FANCG: variants seen among roughly 807,000 people sequenced by gnomAD.
The protein encoded by FANCG is Fanconi anemia group G protein.
A neutral mutation model predicts 73.3 loss-of-function variants in FANCG; 67 were observed. The ratio of observed to expected loss-of-function variants is 0.91; its 90% CI spans 0.75 to 1.12. The LOEUF (loss-of-function observed/expected upper bound fraction) is 1.12. FANCG is among the 50% of genes most tolerant of loss of function. The pLI is 0.00. For synonymous variants in FANCG, 297 were observed against 311.6 expected (o/e 0.95, Z 0.49); for missense variants, 643 against 735.6 (o/e 0.87, Z 1.46).
At position 35,078,731 on chromosome 9, in the gene FANCG, G is replaced by A. The variant is rs931163229; in HGVS notation, c.181C>T (p.Pro61Ser). 10 of 1,613,980 alleles carry A rather than the reference G, an allele frequency of 6.2e-6. No individual in the cohort carries two copies. The highest frequency in any genetic ancestry group is 5.3e-5 in the African/African-American group (4 of 74,902). ...RGLLHSLQGL[P>S]AAVPVLPLEL... is the part of the protein sequence containing the mutation. ...AAGGGAAGAACAGGAACAGCTGCAG[G>A]GAGCCCTGGAGCAACAATGTTGGTC... Residue 61 changes from proline (P) to serine (S), a missense_variant, in exon 3 of 14, where the codon CCT becomes TCT. Transcript: ENST00000378643.
rs756902343 is a variant in FANCG at position 35,075,236 on chromosome 9, A to C, written c.1480+43T>G. ...TTAAAGGGAACCCACTTCCACCACT[A>C]CCACTTCCAGGAGGTAAGAGGAAAA... is the stretch of plus-strand genomic sequence containing the variant. On this transcript the variant is annotated intron_variant, in intron 11 of 13. Coordinates refer to ENST00000378643, the MANE Select transcript of FANCG (RefSeq NM_004629.2). The C allele has an allele frequency of 6.8e-6, 11 of 1,610,662 alleles. No homozygotes were observed. The East Asian group carries it at 2.2e-4, about 33-fold the overall frequency.
Position 35,078,072 on chromosome 9 carries a change from C to A in FANCG, c.510+69G>T, listed in dbSNP as rs917853484. 26 of 1,456,218 alleles carry A rather than the reference C, an allele frequency of 1.8e-5. No individual in the cohort carries two copies. The African/African-American group carries it at 3.1e-4, about 17-fold the overall frequency. 90.2% of individuals were successfully genotyped at this position (1,456,218 alleles called of 1,614,324 possible). ...GCCTGTCCAGTACATGATGATGCTA[C>A]TGCAGCTGGAGAGAAAGGAGGAGGA... is the stretch of plus-strand genomic sequence containing the variant. On this transcript the variant is annotated intron_variant, in intron 4 of 13. Transcript: ENST00000378643.
intron 4 of FANCG, 120 bp downstream of exon 4, chr9:35,078,021 C>T: frequency 1.1e-6 from 1 of 951,256 alleles, no homozygotes; most frequent in Non-Finnish European, 1.7e-6. Context: ...AGAGAGAATC[C>T]AGGTTTTCCG....
intron 9 of FANCG, 97 bp from the exon 10 acceptor site, chr9:35,075,851 A>C (rs1387834633): frequency 6.5e-7 from 1 of 1,532,846 alleles, no homozygotes; most frequent in African/African-American, 1.4e-5. Context: ...CTGGGCCCCC[A>C]GACTGGACAG....
intron 4 of FANCG, among the ~76,000 whole-genome samples, chr9:35,077,829 G>C (rs1284105754): frequency 6.6e-6 from 1 of 151,778 alleles, no homozygotes. Context: ...GCAGTGGCGT[G>C]ATCATAGCTC....
chr9:35,076,293 T>A (rs1252598411), intron 8 of FANCG, 139 bp downstream of exon 8: 1 of 1,000,854 alleles, frequency 1.0e-6, no homozygotes, highest in Non-Finnish European at 1.6e-6. Context: ...AGAAGCAAGG[T>A]AAGAGGCTGA....
At position 35,077,332 on chromosome 9, in the gene FANCG, G is replaced by A. The variant is rs766784578; in HGVS notation, c.578C>T (p.Ala193Val). The part of the protein sequence containing the change: ...TWSPPAEELD[A>V]PLTLQDAQGL... ...CTGGGCATCCTGCAGGGTCAATGGA[G>A]CATCTAATTCCTCAGCTGGGGGACT... The change falls in exon 5 of 14, where the codon GCT becomes GTT. Residue 193 changes from alanine to valine, a missense_variant. Coordinates refer to ENST00000378643, the MANE Select transcript of FANCG (RefSeq NM_004629.2). The A allele has an allele frequency of 6.2e-7, 1 of 1,614,136 alleles. No individual in the cohort carries two copies. Among genetic ancestry groups the A allele is most frequent in the South Asian group, 1.1e-5 (1 of 91,084 alleles).
chr9:35,076,641 C>T (rs1829089626), intron 7 of FANCG, 58 bp from the exon 8 acceptor site: 1 of 1,614,002 alleles, frequency 6.2e-7, no homozygotes, highest in Non-Finnish European at 8.5e-7. Flanking sequence ...CTTCCTTATA[C>T]TTGGATCTTG....
chr9:35,074,555 A>G, intron 12 of FANCG, 61 bp from the exon 13 acceptor site: 1 of 1,609,930 alleles, frequency 6.2e-7, no homozygotes, highest in Non-Finnish European at 8.5e-7. Flanking sequence ...GCATTGTTTT[A>G]TAAAAAGGGA....
intron 4 of FANCG, among the ~76,000 whole-genome samples, chr9:35,077,658 C>T (rs1025159357): frequency 6.6e-6 from 1 of 152,048 alleles, no homozygotes; most frequent in African/African-American, 2.4e-5. Flanking sequence ...CAGCGTGCCT[C>T]CTCACTCAGG....
rs759590778 is a variant in FANCG, at chr9:35,079,243, T to A, written c.85-2A>T. On this transcript the variant is annotated splice_acceptor_variant, in intron 1 of 13. Transcript: ENST00000378643. LOFTEE classifies it high-confidence loss of function. Reference sequence around the variant, plus strand: ...AGTCAGACCGGAGTTCTGAGCCACCTGCCACATGAGGGAGGGGTTGTCACT... The same window carrying A: ...AGTCAGACCGGAGTTCTGAGCCACCAGCCACATGAGGGAGGGGTTGTCACT... 5 of 1,606,664 alleles carry A rather than the reference T, an allele frequency of 3.1e-6. No homozygotes were observed. The highest frequency in any genetic ancestry group is 4.2e-6 in the Non-Finnish European group (5 of 1,176,848).
intron 12 of FANCG, 164 bp from the exon 13 acceptor site, chr9:35,074,658 C>T (rs764950409): frequency 1.0e-6 from 1 of 983,204 alleles, no homozygotes; most frequent in Non-Finnish European, 1.6e-6. Context: ...CAGTGTCCAT[C>T]ATCTGCCCCC....
rs1465444589 is a variant in FANCG at position 35,075,588 on chromosome 9, T to C, written c.1310A>G (p.Asp437Gly). The change falls in exon 10 of 14, where the codon GAT becomes GGT. Residue 437 changes from aspartate (D) to glycine (G), a missense_variant. By Grantham distance (94) the Asp-to-Gly change is moderately conservative. Transcript: ENST00000378643. ...LLPKMSRLWEDARKGTKELPY... is the reference protein window; with the variant it reads ...LLPKMSRLWEGARKGTKELPY... Reference sequence around the variant, plus strand: ...CAGTTCCTTGGTTCCTTTTCTGGCATCTTCCCACAGCCGGGACATCTTGGG... The same window carrying C: ...CAGTTCCTTGGTTCCTTTTCTGGCACCTTCCCACAGCCGGGACATCTTGGG... 2.5e-6 allele frequency: 4 copies of C among 1,614,086 alleles called. No individual in the cohort carries two copies. The highest frequency in any genetic ancestry group is 2.5e-6 in the Non-Finnish European group (3 of 1,180,022).
intron 3 of FANCG, 30 bp downstream of exon 3, chr9:35,078,575 G>A: frequency 2.5e-6 from 4 of 1,614,104 alleles, no homozygotes; most frequent in Non-Finnish European, 3.4e-6. Context: ...GAAGATGGCA[G>A]GGGAATCAGG....
At chr9:35,078,401 C>A in intron 3 of FANCG, 58 bp from the exon 4 acceptor site, 1 of 1,568,228 alleles carries the variant, frequency 6.4e-7, no homozygotes, top group East Asian at 2.3e-5. Flanking sequence ...ACCTCATCCT[C>A]CATCTCCCCA....
chr9:35,074,525 A>C, intron 12 of FANCG, 31 bp from the exon 13 acceptor site: 1 of 1,604,568 alleles, frequency 6.2e-7, no homozygotes, highest in Non-Finnish European at 8.5e-7. Flanking sequence ...ACAGAGTCTT[A>C]GAACTTGACA....
chr9:35,076,560 G>A lies in FANCG; in HGVS notation c.948C>T (p.Ser316=). ...CCTCAATGAGAAACTGCGGGGCTTT[G>A]GAACTGCATGGGACATTCAAGGCCT... ...LVEALNVPCS[S]KAPQFLIEVE... Residue 316 remains serine (S), a synonymous_variant, in exon 8 of 14, where the codon TCC becomes TCT. Coordinates refer to ENST00000378643, the MANE Select transcript of FANCG (RefSeq NM_004629.2). The A allele has an allele frequency of 6.2e-7, 1 of 1,614,166 alleles. No individual in the cohort carries two copies. Among genetic ancestry groups the A allele is most frequent in the South Asian group, 1.1e-5 (1 of 91,084 alleles).
At chr9:35,074,547 A>G (rs978951546) in intron 12 of FANCG, 53 bp from the exon 13 acceptor site, 14 of 1,612,422 alleles carry the variant, frequency 8.7e-6, no homozygotes, top group South Asian at 4.4e-5. Flanking sequence ...AGTCTTAGGC[A>G]TTGTTTTATA....
intron 2 of FANCG, 116 bp from the exon 3 acceptor site, chr9:35,078,852 C>G: frequency 7.2e-7 from 1 of 1,390,010 alleles, no homozygotes; most frequent in Non-Finnish European, 1.0e-6. Flanking sequence ...AGAACCCACC[C>G]TCCAGCCAAT....
Sources: gnomAD v4.1 joint callset for allele counts (sites outside exome capture counted in the v4.1 genomes callset) on GRCh38, gnomAD v4.1.1 for gene constraint, MANE v1.5 for transcripts, NCBI Gene and HGNC (gene_info 2026-07-23, HGNC 2026-07-21) for gene names.